Variants in MEIS3 observed in about 807,000 individuals in gnomAD.
MEIS3 encodes the protein homeobox protein Meis3.
A neutral mutation model predicts 51.4 loss-of-function variants in MEIS3; 38 were observed. The observed-to-expected ratio is 0.74, with a 90% CI of 0.57 to 0.97. The LOEUF (loss-of-function observed/expected upper bound fraction) is 0.97. Ranked by LOEUF, MEIS3 falls within the 50% of genes least tolerant of loss-of-function variation. The pLI, the probability that MEIS3 is intolerant of heterozygous loss-of-function variation, is 0.00. For synonymous variants in MEIS3, 198 were observed against 201.8 expected, an observed-to-expected ratio of 0.98 and a Z score of 0.16; for missense variants, 456 against 502.6, an observed-to-expected ratio of 0.91 and a Z score of 0.89.
Position 47,419,408 on chromosome 19 carries a change from C to T in MEIS3, c.-327G>A, listed in dbSNP as rs926297265. 1 of 122,306 alleles carries T rather than the reference C, an allele frequency of 8.2e-6. No individual in the cohort carries two copies. Among genetic ancestry groups the T allele is most frequent in the Admixed American group, 8.1e-5 (1 of 12,346 alleles). 7.6% of individuals were successfully genotyped at this position (122,306 alleles called of 1,614,324 possible). A position where few individuals can be genotyped will look rare whatever the true frequency, so the allele number is the denominator to read the frequency against. ...TCCCTTCCCCGGCTCTGGAGGGAAT[C>T]GAACCGTCCCGAGACGGACACACCG... On this transcript the variant is annotated 5_prime_UTR_variant, in exon 1 of 13. Transcript: ENST00000558555.
At position 47,419,359 on chromosome 19, in the gene MEIS3, G is replaced by A. The variant is rs1971618847; in HGVS notation, c.-278C>T. On this transcript the variant is annotated 5_prime_UTR_variant, in exon 1 of 13. Transcript: ENST00000558555. ...AGCAGGCGCAGGCGGGGCGCCCGAG[G>A]CCCCCTCCTCTGGGCCCCCCCCGTC... 6.3e-6 allele frequency: 1 copy of A among 159,990 alleles called. No individual in the cohort carries two copies. The highest frequency in any genetic ancestry group is 1.3e-5 in the Non-Finnish European group (1 of 74,550). The allele number at this position is 159,990 out of a possible 1,614,324, so 9.9% of individuals were successfully genotyped here. A position where few individuals can be genotyped will look rare whatever the true frequency, so the allele number is the denominator to read the frequency against.
chr19:47,406,602 C>G, intron 11 of MEIS3, 76 bp from the exon 12 acceptor site: 1 of 1,382,992 alleles, frequency 7.2e-7, no homozygotes, highest in Non-Finnish European at 1.0e-6. Context: ...TCCCTCACCC[C>G]TTCCTACACC....
chr19:47,421,787 A>C (rs1971721209), upstream of MEIS3, among the ~76,000 whole-genome samples: 1 of 133,340 alleles, frequency 7.5e-6, no homozygotes, highest in Non-Finnish European at 1.6e-5. Flanking sequence ...CTTTGTCTGG[A>C]TGTCTTCTCT....
Position 47,407,443 on chromosome 19 carries a change from A to T in MEIS3, c.859-15T>A. 1 of 1,613,762 alleles carries T rather than the reference A, an allele frequency of 6.2e-7. No homozygotes were observed. Among genetic ancestry groups the T allele is most frequent in the African/African-American group, 1.3e-5 (1 of 74,996 alleles). Reference sequence around the variant, plus strand: ...GGGTACGGGTGCTGCAGCCACCAGCAAGAGTCACTCTGCCTGCCTGGCCGG... The same window carrying T: ...GGGTACGGGTGCTGCAGCCACCAGCTAGAGTCACTCTGCCTGCCTGGCCGG... On this transcript the variant is annotated splice_polypyrimidine_tract_variant and intron_variant, in intron 8 of 12. Coordinates refer to ENST00000558555, the MANE Select transcript of MEIS3 (RefSeq NM_001301059.2).
chr19:47,414,295 T>C (rs1044833979), intron 6 of MEIS3, among the ~76,000 whole-genome samples: 1 of 152,112 alleles, frequency 6.6e-6, no homozygotes, highest in Non-Finnish European at 1.5e-5. Context: ...CGGGTGTGTG[T>C]ATGCAGTGGA....
intron 8 of MEIS3, 108 bp downstream of exon 8, chr19:47,408,991 C>T (rs1001384240): frequency 4.5e-6 from 6 of 1,342,304 alleles, no homozygotes; most frequent in Admixed American, 2.0e-5. Flanking sequence ...CGAAAAATTT[C>T]CTGCCGTCTT....
At chr19:47,414,910 A>C (rs1477242946) in intron 5 of MEIS3, 44 bp from the exon 6 acceptor site, 5 of 401,310 alleles carry the variant, frequency 1.2e-5, no homozygotes, top group Non-Finnish European at 1.2e-5. Flanking sequence ...CCACGGGGGC[A>C]GGGCGGGGGT....
At chr19:47,407,644 G>T (rs1568420757) in intron 8 of MEIS3, 1 of 1,256,924 alleles carries the variant, frequency 8.0e-7, no homozygotes. Context: ...GCCTGTTCCA[G>T]CAATTAGAGG....
intron 8 of MEIS3, among the ~76,000 whole-genome samples, chr19:47,408,465 ACTAT>A (rs1300007885): frequency 1.3e-5 from 2 of 150,544 alleles, no homozygotes; most frequent in Non-Finnish European, 3.0e-5. Context: ...TCTCTGACTC[ACTAT>A]CTCTGTGTGT....
chr19:47,413,889 A>G (rs1341813180), intron 6 of MEIS3, among the ~76,000 whole-genome samples: 1 of 149,724 alleles, frequency 6.7e-6, no homozygotes, highest in Non-Finnish European at 1.5e-5. Flanking sequence ...CACCACACCC[A>G]GCTAATTTTT....
upstream of MEIS3, among the ~76,000 whole-genome samples, chr19:47,420,649 C>T (rs111842226): frequency 5.8e-3 from 878 of 150,158 alleles, 7 homozygotes; most frequent in African/African-American, 0.017. Flanking sequence ...TGGAGTCGTC[C>T]CTGCCACCCC....
At chr19:47,422,100 C>A (rs546160482), upstream of MEIS3, among the ~76,000 whole-genome samples, 1 of 152,014 alleles carries the variant, frequency 6.6e-6, no homozygotes, top group African/African-American at 2.4e-5. Context: ...CATCCATCAC[C>A]CGAGCCCAGA....
At position 47,407,381 on chromosome 19, in the gene MEIS3, C is replaced by A. The variant is rs781275325; in HGVS notation, c.906G>T (p.Thr302=). ...EEQKKQLAQD[T]GLTILQVNNW... Reference sequence around the variant, plus strand: ...TGTTGACTTGCAGGATGGTGAGCCCCGTGTCCTGCGCCAGCTGTTTCTTCT... The same window carrying A: ...TGTTGACTTGCAGGATGGTGAGCCCAGTGTCCTGCGCCAGCTGTTTCTTCT... The change falls in exon 9 of 13, where the codon ACG becomes ACT. Residue 302 remains threonine (T), a synonymous_variant. Transcript: ENST00000558555. 6.2e-6 allele frequency: 10 copies of A among 1,613,468 alleles called. No homozygotes were observed. The highest frequency in any genetic ancestry group is 5.1e-6 in the Non-Finnish European group (6 of 1,179,842).
chr19:47,420,904 T>TCA (rs1416883609), upstream of MEIS3, among the ~76,000 whole-genome samples: 279 of 92,460 alleles, frequency 3.0e-3, 1 homozygote, highest in Admixed American at 7.6e-3. Flanking sequence ...TCTCTCTCTC[T>TCA]CTCTCTCACA....
At chr19:47,409,013 T>A in intron 8 of MEIS3, 86 bp downstream of exon 8, 1 of 1,485,750 alleles carries the variant, frequency 6.7e-7, no homozygotes, top group Non-Finnish European at 9.1e-7. Flanking sequence ...CTCCCACTTC[T>A]GGGTTTCTCT....
intron 1 of MEIS3, chr19:47,418,127 A>C: frequency 5.8e-6 from 1 of 173,910 alleles, no homozygotes; most frequent in East Asian, 1.6e-4. Context: ...AAACACCATT[A>C]TGGGGTAGGA....
chr19:47,409,862 CAA>C (rs555488853), intron 6 of MEIS3, among the ~76,000 whole-genome samples: 18 of 124,580 alleles, frequency 1.4e-4, no homozygotes, highest in Middle Eastern at 4.3e-3. Flanking sequence ...GACTCCGTGT[CAA>C]AAAAAAAAAA....
intron 6 of MEIS3, 47 bp downstream of exon 6, chr19:47,414,670 C>T (rs760247117): frequency 1.3e-6 from 2 of 1,547,144 alleles, no homozygotes; most frequent in African/African-American, 1.4e-5. Context: ...GGTGTCCAGG[C>T]ACAGCTGTGG....
chr19:47,417,914 T>TC (rs71962567), intron 1 of MEIS3: 431 of 500,032 alleles, frequency 8.6e-4, no homozygotes, highest in African/African-American at 3.9e-3. Context: ...CACACCCAAA[T>TC]CCCCCCCCCC....
Sources: allele counts gnomAD v4.1 joint callset (sites outside exome capture counted in the v4.1 genomes callset), GRCh38; gene constraint gnomAD v4.1.1; transcripts MANE v1.5; gene names NCBI Gene and HGNC (gene_info 2026-07-23, HGNC 2026-07-21).